MVB12B: variants seen among roughly 807,000 people sequenced by gnomAD.
The protein encoded by MVB12B is multivesicular body subunit 12B.
MVB12B carries 16 observed loss-of-function variants against 41.6 expected under a neutral mutation model. That is an observed-to-expected ratio of 0.38 (90% CI 0.26 to 0.58). MVB12B has a LOEUF of 0.58. Among genes scored for constraint, MVB12B ranks in the 20% least tolerant of loss-of-function variants. The pLI is 0.62. For missense variants in MVB12B, 274 were observed against 380.2 expected, an observed-to-expected ratio of 0.72 and a Z score of 2.32; for synonymous variants, 133 against 139.7, an observed-to-expected ratio of 0.95 and a Z score of 0.34.
chr9:126,502,503 CAG>C (rs933111135), intron 9 of MVB12B, among the ~76,000 whole-genome samples: 2 of 152,176 alleles, frequency 1.3e-5, no homozygotes, highest in East Asian at 1.9e-4. Flanking sequence ...TGCCCCCAGA[CAG>C]GGGAGCAGCA....
intron 6 of MVB12B, among the ~76,000 whole-genome samples, chr9:126,410,888 CTTTTTTT>C (rs770993852): frequency 2.2e-4 from 30 of 133,796 alleles, no homozygotes; most frequent in Admixed American, 2.2e-3. Flanking sequence ...TTGGTTATTT[CTTTTTTT>C]TTTTTTTTTT....
intron 7 of MVB12B, among the ~76,000 whole-genome samples, chr9:126,429,384 A>G (rs890893249): frequency 6.6e-6 from 1 of 152,230 alleles, no homozygotes; most frequent in South Asian, 2.1e-4. Context: ...TGCTCCGTAC[A>G]CAACCATGTG....
chr9:126,453,806 A>C (rs538766406), intron 7 of MVB12B, among the ~76,000 whole-genome samples: 15 of 152,280 alleles, frequency 9.9e-5, no homozygotes, highest in Non-Finnish European at 1.6e-4. Flanking sequence ...ACACGTGTGC[A>C]TGCTCACATG....
Position 126,389,633 on chromosome 9 carries a change from G to A in MVB12B, c.410-2433G>A, listed in dbSNP as rs545813066. ...GGCAACAGCAAGTGAAACACCCGGC[G>A]TTAGTTTTCTTTGTGTAAAGGTCTC... On this transcript the variant is annotated intron_variant, in intron 4 of 9. Transcript: ENST00000361171. The surrounding 1 kb of genome is among the most constrained non-coding windows in gnomAD (Gnocchi z 4.4). 9.2e-5 allele frequency among the ~76,000 whole-genome samples: 14 copies of A among 152,310 alleles called. No homozygotes were observed. Among genetic ancestry groups the A allele is most frequent in the Middle Eastern group, 3.4e-3 (1 of 294 alleles).
At chr9:126,465,277 CA>C (rs1365202087) in intron 7 of MVB12B, among the ~76,000 whole-genome samples, 3 of 152,218 alleles carry the variant, frequency 2.0e-5, no homozygotes, top group Non-Finnish European at 4.4e-5. Context: ...GGATCTTAAA[CA>C]TCTTCTAGCC....
At chr9:126,405,314 G>A (rs187387971) in intron 6 of MVB12B, among the ~76,000 whole-genome samples, 5 of 152,186 alleles carry the variant, frequency 3.3e-5, no homozygotes, top group Admixed American at 2.6e-4. Flanking sequence ...TCCAGCTCGC[G>A]AGTGCACGAG....
At chr9:126,481,210 A>G (rs1833516686) in intron 7 of MVB12B, 159 bp from the exon 8 acceptor site, 1 of 690,662 alleles carries the variant, frequency 1.4e-6, no homozygotes, top group Non-Finnish European at 2.5e-6. Context: ...CAGGGGTGGG[A>G]CCTGTCCTCT....
At chr9:126,371,684 A>G (rs149943439) in intron 2 of MVB12B, among the ~76,000 whole-genome samples, 57 of 152,296 alleles carry the variant, frequency 3.7e-4, no homozygotes, top group East Asian at 3.7e-3. Flanking sequence ...CAATGGTTCA[A>G]TCAGCTGTTT....
At chr9:126,433,688 C>T (rs1832388154) in intron 7 of MVB12B, among the ~76,000 whole-genome samples, 1 of 152,048 alleles carries the variant, frequency 6.6e-6, no homozygotes, top group African/African-American at 2.4e-5. Context: ...TCTCCTAAAC[C>T]CAAGCCCAAG....
At position 126,391,977 on chromosome 9, in the gene MVB12B, A is replaced by G. The variant is rs772948341; in HGVS notation, c.410-89A>G. 4.3e-5 allele frequency: 64 copies of G among 1,482,878 alleles called. No homozygotes were observed. The highest frequency in any genetic ancestry group is 5.4e-5 in the Non-Finnish European group (58 of 1,070,116). 91.9% of individuals were successfully genotyped at this position (1,482,878 alleles called of 1,614,324 possible). A position where few individuals can be genotyped will look rare whatever the true frequency, so the allele number is the denominator to read the frequency against. On this transcript the variant is annotated intron_variant, in intron 4 of 9. Transcript: ENST00000361171. The surrounding 1 kb of genome is among the most constrained non-coding windows in gnomAD (Gnocchi z 4.4). The stretch of plus-strand genomic sequence containing the variant: ...GTGACCTGCCACTTCTGCTGCCAGG[A>G]ATAGGGCGTGACAGGGGATGTGGTT...
At chr9:126,470,860 T>C (rs1353050288) in intron 7 of MVB12B, among the ~76,000 whole-genome samples, 1 of 152,130 alleles carries the variant, frequency 6.6e-6, no homozygotes, top group Admixed American at 6.5e-5. Context: ...ACTTACGTTC[T>C]TATGTGAAAG....
intron 8 of MVB12B, among the ~76,000 whole-genome samples, chr9:126,483,627 C>T (rs570562211): frequency 1.3e-5 from 2 of 152,134 alleles, no homozygotes; most frequent in Admixed American, 6.5e-5. Context: ...ACCTTGCCTG[C>T]GTGTTCTGCT....
intron 4 of MVB12B, among the ~76,000 whole-genome samples, chr9:126,387,065 T>C (rs1415993660): frequency 6.6e-6 from 1 of 152,088 alleles, no homozygotes. Context: ...TGTGCCCATT[T>C]GGGGCCCGTT....
rs754551247 is a variant in MVB12B at position 126,391,453 on chromosome 9, T to C, written c.410-613T>C. Among the ~76,000 whole-genome samples, 1 of 152,246 alleles carries C rather than the reference T, an allele frequency of 6.6e-6. No homozygotes were observed. The highest frequency in any genetic ancestry group is 1.5e-5 in the Non-Finnish European group (1 of 68,038). On this transcript the variant is annotated intron_variant, in intron 4 of 9. Transcript: ENST00000361171. This position sits in a 1 kb window ranked among gnomAD's most constrained non-coding sequence, Gnocchi z 4.4. Reference sequence around the variant, plus strand: ...TCTGTTGGATGATACTCAGGAATTCTGTTCGTTTTGTTAGGAATGGTGATG... The same window carrying C: ...TCTGTTGGATGATACTCAGGAATTCCGTTCGTTTTGTTAGGAATGGTGATG...
chr9:126,416,615 T>C (rs1831833884), intron 6 of MVB12B, among the ~76,000 whole-genome samples: 1 of 152,130 alleles, frequency 6.6e-6, no homozygotes, highest in African/African-American at 2.4e-5. Flanking sequence ...TGAAGCTGAA[T>C]CGGGGTAACT....
rs1340798173 is a variant in MVB12B, at chr9:126,473,305, C to T, written c.758-8064C>T. Among the ~76,000 whole-genome samples, 5 of 152,244 alleles carry T rather than the reference C, an allele frequency of 3.3e-5. No individual in the cohort carries two copies. The highest frequency in any genetic ancestry group is 1.9e-4 in the East Asian group (1 of 5,204). The stretch of plus-strand genomic sequence containing the variant: ...GCCCCTCCTTCCCTGCCATAGCCCC[C>T]CATAGCCCCAGAGCAGGTTACACTC... On this transcript the variant is annotated intron_variant, in intron 7 of 9. Transcript: ENST00000361171. This position sits in a 1 kb window ranked among gnomAD's most constrained non-coding sequence, Gnocchi z 4.0.
intron 2 of MVB12B, among the ~76,000 whole-genome samples, chr9:126,371,891 A>G (rs1830349484): frequency 6.6e-6 from 1 of 152,324 alleles, no homozygotes; most frequent in African/African-American, 2.4e-5. Context: ...GATATAATTC[A>G]TATACCACAA....
chr9:126,418,724 G>A (rs1280041726), intron 6 of MVB12B, among the ~76,000 whole-genome samples: 1 of 152,092 alleles, frequency 6.6e-6, no homozygotes, highest in Non-Finnish European at 1.5e-5. Flanking sequence ...GTCTGGAGGA[G>A]GTCAGACTCC....
At chr9:126,371,403 G>A (rs1002350604) in intron 2 of MVB12B, among the ~76,000 whole-genome samples, 9 of 152,344 alleles carry the variant, frequency 5.9e-5, no homozygotes, top group South Asian at 2.1e-4. Flanking sequence ...GGCCCCCCAC[G>A]GAACTGTCTT....
Sources: gnomAD v4.1 joint callset for allele counts (sites outside exome capture counted in the v4.1 genomes callset) on GRCh38, gnomAD v4.1.1 for gene constraint, Gnocchi (gnomAD v3.1) non-coding constraint, MANE v1.5 for transcripts, NCBI Gene and HGNC (gene_info 2026-07-23, HGNC 2026-07-21) for gene names.